ENY2: variants seen among roughly 807,000 people sequenced by gnomAD.
ENY2 encodes transcription and mRNA export factor ENY2.
ENY2 carries 4 observed loss-of-function variants against 15.9 expected under a neutral mutation model. That is an observed-to-expected ratio of 0.25 (90% CI 0.12 to 0.57). ENY2 has a LOEUF of 0.57. ENY2 is among the 20% of genes least tolerant of loss of function. The pLI, the probability that ENY2 is intolerant of heterozygous loss-of-function variation, is 0.91. For synonymous variants in ENY2, 48 were observed against 38.0 expected (o/e 1.26, Z -0.97); for missense variants, 54 against 117.2 (o/e 0.46, Z 2.49).
At chr8:109,342,733 G>C (rs1255314368) in intron 4 of ENY2, 45 of 697,616 alleles carry the variant, frequency 6.5e-5, no homozygotes. Flanking sequence ...TGAGCTCCCG[G>C]ACTCAGGCAA....
chr8:109,340,646 T>C, intron 4 of ENY2, 83 bp downstream of exon 4: 2 of 1,559,670 alleles, frequency 1.3e-6, no homozygotes, highest in Middle Eastern at 1.7e-4. Flanking sequence ...ATTTTCTTTC[T>C]GTTTTTAAGG....
chr8:109,336,391 G>A, intron 2 of ENY2, 187 bp downstream of exon 2: 1 of 562,346 alleles, frequency 1.8e-6, no homozygotes, highest in South Asian at 2.3e-5. Flanking sequence ...GAGGGAAGTG[G>A]TGATGTAGAA....
intron 1 of ENY2, 50 bp downstream of exon 1, chr8:109,334,524 C>G: frequency 6.3e-7 from 1 of 1,595,636 alleles, no homozygotes; most frequent in Non-Finnish European, 8.5e-7. Context: ...CCAGCCCAGG[C>G]TCCTTTCGAT....
chr8:109,336,106 GA>G, intron 1 of ENY2, 21 bp from the exon 2 acceptor site: 1 of 1,610,758 alleles, frequency 6.2e-7, no homozygotes, highest in Non-Finnish European at 8.5e-7. Flanking sequence ...TTCTATATCT[GA>G]AAGTACATGT....
chr8:109,340,343 G>T, intron 3 of ENY2, 146 bp from the exon 4 acceptor site: 1 of 1,157,884 alleles, frequency 8.6e-7, no homozygotes, highest in Admixed American at 2.4e-5. Context: ...TGATGTGTTT[G>T]TAAGGTTGAA....
rs1453902671 is a variant in ENY2 at position 109,345,854 on chromosome 8, C to A, written c.*2373C>A. 1 of 152,144 alleles carries A rather than the reference C, an allele frequency of 6.6e-6. No homozygotes were observed. The highest frequency in any genetic ancestry group is 2.4e-5 in the African/African-American group (1 of 41,416). 9.4% of individuals were successfully genotyped at this position (152,144 alleles called of 1,614,324 possible). A position where few individuals can be genotyped will look rare whatever the true frequency, so the allele number is the denominator to read the frequency against. Reference sequence around the variant, plus strand: ...AATGATAGTGCTGAGAACTCCCCACCTCTACCCCACCACCTGTAGGCTTCT... The same window carrying A: ...AATGATAGTGCTGAGAACTCCCCACATCTACCCCACCACCTGTAGGCTTCT... On this transcript the variant is annotated 3_prime_UTR_variant, in exon 5 of 5. Coordinates refer to ENST00000521688, the MANE Select transcript of ENY2 (RefSeq NM_020189.6).
At chr8:109,335,114 A>G (rs1815932737) in intron 1 of ENY2, 1 of 152,218 alleles carries the variant, frequency 6.6e-6, no homozygotes, top group Non-Finnish European at 1.5e-5. Flanking sequence ...AACGCTTTCA[A>G]AACCTAACTT....
Position 109,344,782 on chromosome 8 carries a change from C to T in ENY2, c.*1301C>T, listed in dbSNP as rs538743523. The T allele has an allele frequency of 1.3e-5, 2 of 152,290 alleles. No individual in the cohort carries two copies. Among genetic ancestry groups the T allele is most frequent in the South Asian group, 2.1e-4 (1 of 4,820 alleles). 9.4% of individuals were successfully genotyped at this position (152,290 alleles called of 1,614,324 possible). A position where few individuals can be genotyped will look rare whatever the true frequency, so the allele number is the denominator to read the frequency against. On this transcript the variant is annotated 3_prime_UTR_variant, in exon 5 of 5. Transcript: ENST00000521688. ...CTGTAAATTATCCACTACGTGCCCT[C>T]GTAATTGTCTTAGTTCAAGCCCAGA...
At chr8:109,338,208 G>A (rs911005050) in intron 2 of ENY2, 1 of 152,214 alleles carries the variant, frequency 6.6e-6, no homozygotes, top group Non-Finnish European at 1.5e-5. Flanking sequence ...GAATGCTATG[G>A]TAATATTCTA....
At chr8:109,336,095 G>A (rs775334562) in intron 1 of ENY2, 33 bp from the exon 2 acceptor site, 15 of 1,605,118 alleles carry the variant, frequency 9.3e-6, no homozygotes, top group Non-Finnish European at 1.2e-5. Flanking sequence ...CTTTGTAAAT[G>A]TTCTATATCT....
At chr8:109,342,441 A>G (rs1299360331) in intron 4 of ENY2, among the ~76,000 whole-genome samples, 2 of 149,790 alleles carry the variant, frequency 1.3e-5, no homozygotes, top group African/African-American at 4.9e-5. Flanking sequence ...CTTAAAATAT[A>G]TATTATGTAT....
rs894145974 is a variant in ENY2, at chr8:109,337,569, A to G, written c.83+1365A>G. On this transcript the variant is annotated intron_variant, in intron 2 of 4. Transcript: ENST00000521688. ...GCACTAGAGGAACAATAAAGCAGAA[A>G]ATAAAGAGGTGTAATATTTTAGATA... is the stretch of plus-strand genomic sequence containing the variant. 5.3e-5 allele frequency among the ~76,000 whole-genome samples: 8 copies of G among 152,210 alleles called. No homozygotes were observed. The East Asian group carries it at 7.7e-4, about 15-fold the overall frequency.
intron 2 of ENY2, 147 bp from the exon 3 acceptor site, chr8:109,339,173 T>C (rs564905968): frequency 3.1e-6 from 2 of 641,464 alleles, no homozygotes; most frequent in Non-Finnish European, 5.5e-6. Flanking sequence ...AAAGAACTAT[T>C]TAGCATTTGA....
At chr8:109,341,170 G>T (rs1335286694) in intron 4 of ENY2, among the ~76,000 whole-genome samples, 1 of 152,130 alleles carries the variant, frequency 6.6e-6, no homozygotes, top group Non-Finnish European at 1.5e-5. Flanking sequence ...CTACATCATT[G>T]TTATCTTAGA....
At chr8:109,340,848 A>G in intron 4 of ENY2, 1 of 281,512 alleles carries the variant, frequency 3.6e-6, no homozygotes, top group Non-Finnish European at 6.7e-6. Flanking sequence ...GTCAAATACT[A>G]CATGAAGCTA....
In ENY2 at chr8:109,339,303, C is replaced by G. The variant is rs765821865; in HGVS notation, c.84-17C>G. ...TGTTATACATTGTTCAATTTGAAAA[C>G]ACTTCTGTTTCAACAGCCTCAAAGA... On this transcript the variant is annotated splice_polypyrimidine_tract_variant and intron_variant, in intron 2 of 4. Transcript: ENST00000521688. The G allele has an allele frequency of 6.2e-7, 1 of 1,611,816 alleles. No homozygotes were observed. Among genetic ancestry groups the G allele is most frequent in the South Asian group, 1.1e-5 (1 of 90,978 alleles).
chr8:109,339,817 ATTG>A (rs1407401326), intron 3 of ENY2: 1 of 158,602 alleles, frequency 6.3e-6, no homozygotes, highest in Non-Finnish European at 1.4e-5. Context: ...ATTGCTGGGT[ATTG>A]TTGATGATAC....
At chr8:109,339,463 T>A in intron 3 of ENY2, 73 bp downstream of exon 3, 1 of 1,245,556 alleles carries the variant, frequency 8.0e-7, no homozygotes, top group Non-Finnish European at 1.2e-6. Context: ...TTGCTTATTT[T>A]AAGGTATATT....
chr8:109,334,628 T>A, intron 1 of ENY2, 154 bp downstream of exon 1: 1 of 844,530 alleles, frequency 1.2e-6, no homozygotes, highest in Non-Finnish European at 1.7e-6. Flanking sequence ...AAACCAGTCC[T>A]CGCTTTGTTT....
Sources: allele counts gnomAD v4.1 joint callset (sites outside exome capture counted in the v4.1 genomes callset), GRCh38; gene constraint gnomAD v4.1.1; transcripts MANE v1.5; gene names NCBI Gene and HGNC (gene_info 2026-07-23, HGNC 2026-07-21).